The following C1orf159 variants were observed in gnomAD, a reference collection of about 807,000 sequenced individuals.
The protein encoded by C1orf159 is uncharacterized protein C1orf159.
A neutral mutation model predicts 25.6 loss-of-function variants in C1orf159; 19 were observed. That is an observed-to-expected ratio of 0.74 (90% confidence interval 0.52 to 1.09). The LOEUF is 1.09. C1orf159 is among the 50% of genes least tolerant of loss of function. The pLI is 0.00. For synonymous variants in C1orf159, 139 were observed against 124.7 expected, an observed-to-expected ratio of 1.12 and a Z score of -0.77; for missense variants, 274 against 290.6, an observed-to-expected ratio of 0.94 and a Z score of 0.42.
intron 2 of C1orf159, 130 bp from the exon 3 acceptor site, chr1:1,091,695 A>G: frequency 2.5e-6 from 1 of 404,282 alleles, no homozygotes; most frequent in South Asian, 1.8e-5. Context: ...GCAGAGCCAA[A>G]TGGAGATGGG....
At chr1:1,115,235 T>C (rs911542472) in intron 1 of C1orf159, among the ~76,000 whole-genome samples, 2 of 151,722 alleles carry the variant, frequency 1.3e-5, no homozygotes, top group African/African-American at 4.9e-5. Context: ...TGGGCTTAAA[T>C]TACACCCAAA....
intron 1 of C1orf159, among the ~76,000 whole-genome samples, chr1:1,095,036 G>C (rs1003249223): frequency 6.6e-6 from 1 of 152,228 alleles, no homozygotes; most frequent in African/African-American, 2.4e-5. Context: ...GGACTATAGA[G>C]GTGGGGTCTA....
chr1:1,106,419 A>G (rs1646171501), intron 1 of C1orf159, among the ~76,000 whole-genome samples: 1 of 152,258 alleles, frequency 6.6e-6, no homozygotes, highest in African/African-American at 2.4e-5. Flanking sequence ...TGCTGAGAAT[A>G]TAAAATGGTG....
intron 1 of C1orf159, among the ~76,000 whole-genome samples, chr1:1,101,932 C>T (rs1304977912): frequency 6.6e-6 from 1 of 151,626 alleles, no homozygotes; most frequent in Non-Finnish European, 1.5e-5. Flanking sequence ...ATTAATCGGG[C>T]ATGGTGGCAC....
At position 1,099,627 on chromosome 1, in the gene C1orf159, GGA is replaced by G. The variant is rs1397872014; in HGVS notation, c.-135-7526_-135-7525del. On this transcript the variant is annotated intron_variant, in intron 1 of 9. Transcript: ENST00000421241. ...TTTTTGGTCTATTGTTCTAAGAATT[GGA>G]GAGAGAGAGGTTAAAATCTCTGACT... Among the ~76,000 whole-genome samples, 5 of 143,996 alleles carry G rather than the reference GGA, an allele frequency of 3.5e-5. No individual in the cohort carries two copies. The South Asian group carries it at 8.9e-4, about 26-fold the overall frequency. 94.5% of individuals were successfully genotyped at this position (143,996 alleles called of 152,430 possible). A position where few individuals can be genotyped will look rare whatever the true frequency, so the allele number is the denominator to read the frequency against.
intron 3 of C1orf159, 81 bp downstream of exon 3, chr1:1,091,391 T>G: frequency 7.7e-7 from 1 of 1,299,302 alleles, no homozygotes; most frequent in East Asian, 2.5e-5. Context: ...GTGGAAGGGT[T>G]AGACCCTCTA....
rs939267578 is a variant in C1orf159, at chr1:1,093,997, A to G, written c.-135-1894T>C. The stretch of plus-strand genomic sequence containing the variant: ...TGAAGACTAATGATGGCATCTTTCC[A>G]TGTGTTTATTAGCCACTTATATATC... On this transcript the variant is annotated intron_variant, in intron 1 of 9. Coordinates refer to ENST00000421241, the MANE Select transcript of C1orf159 (RefSeq NM_017891.5). Among the ~76,000 whole-genome samples the G allele has an allele frequency of 1.3e-5, 2 of 151,968 alleles. 1 individual carries two copies. Among genetic ancestry groups the G allele is most frequent in the South Asian group, 4.1e-4 (2 of 4,824 alleles).
chr1:1,114,342 T>C (rs193136048), intron 1 of C1orf159, among the ~76,000 whole-genome samples: 40 of 152,260 alleles, frequency 2.6e-4, no homozygotes, highest in Non-Finnish European at 4.4e-4. Context: ...CATGCCTGGA[T>C]AATATTTTTT....
intron 1 of C1orf159, among the ~76,000 whole-genome samples, chr1:1,099,341 T>C (rs74048009): frequency 0.23 from 32,254 of 138,482 alleles, 5,048 homozygotes; most frequent in African/African-American, 0.46. Context: ...GAGGTTACAA[T>C]CTCTGACTAT....
intron 1 of C1orf159, among the ~76,000 whole-genome samples, chr1:1,104,596 C>T (rs1023929306): frequency 2.6e-5 from 4 of 152,198 alleles, no homozygotes; most frequent in African/African-American, 4.8e-5. Flanking sequence ...AGACGGTGGG[C>T]GCTGGTGTTG....
Position 1,087,649 on chromosome 1 carries a change from T to C in C1orf159, c.149-52A>G. 7.8e-7 allele frequency: 1 copy of C among 1,284,458 alleles called. No homozygotes were observed. 79.6% of individuals were successfully genotyped at this position (1,284,458 alleles called of 1,614,324 possible). ...CAGCCAAAGCAAAATCCACACCAGC[T>C]GGGTCTCCTGGGAATGATTCTCTAT... On this transcript the variant is annotated intron_variant, in intron 4 of 9. Transcript: ENST00000421241. The surrounding 1 kb of genome is among the most constrained non-coding windows in gnomAD (Gnocchi z 8.3).
At chr1:1,085,253 TG>T in intron 7 of C1orf159, 1 of 433,246 alleles carries the variant, frequency 2.3e-6, no homozygotes, top group Non-Finnish European at 4.7e-6. Flanking sequence ...GTGCTCACCT[TG>T]GGGTCCGAAC....
At chr1:1,095,099 C>T (rs1645991773) in intron 1 of C1orf159, among the ~76,000 whole-genome samples, 1 of 152,222 alleles carries the variant, frequency 6.6e-6, no homozygotes, top group East Asian at 1.9e-4. Context: ...TCTTCAGGGA[C>T]ACTGCGGCTG....
intron 7 of C1orf159, among the ~76,000 whole-genome samples, chr1:1,084,788 G>A (rs959783093): frequency 6.6e-6 from 1 of 152,078 alleles, no homozygotes; most frequent in Non-Finnish European, 1.5e-5. Context: ...CCACCTTCCC[G>A]CCTCAGCAGA....
At chr1:1,093,322 G>A (rs941263190) in intron 1 of C1orf159, among the ~76,000 whole-genome samples, 1 of 152,224 alleles carries the variant, frequency 6.6e-6, no homozygotes, top group East Asian at 1.9e-4. Context: ...TCAGGAACCA[G>A]AAGTCCAAGA....
intron 1 of C1orf159, among the ~76,000 whole-genome samples, chr1:1,109,347 A>G (rs1439030387): frequency 2.0e-5 from 3 of 152,226 alleles, no homozygotes; most frequent in Non-Finnish European, 4.4e-5. Context: ...GACAGAAAAG[A>G]CAACGGTGGT....
intron 1 of C1orf159, among the ~76,000 whole-genome samples, chr1:1,104,770 C>T (rs191265200): frequency 2.6e-5 from 4 of 151,944 alleles, no homozygotes; most frequent in African/African-American, 4.8e-5. Flanking sequence ...GAGCCGGGAA[C>T]GCACCTGCAC....
At chr1:1,083,916 G>T in intron 9 of C1orf159, 1 of 1,580,378 alleles carries the variant, frequency 6.3e-7, no homozygotes, top group East Asian at 2.3e-5. Flanking sequence ...GGTCCTAACC[G>T]GGCTGACTCT....
At chr1:1,112,755 A>C (rs1189946899) in intron 1 of C1orf159, among the ~76,000 whole-genome samples, 1 of 152,272 alleles carries the variant, frequency 6.6e-6, no homozygotes, top group African/African-American at 2.4e-5. Flanking sequence ...GCAAGACCCC[A>C]GAAGCCTGCC....
Sources: allele counts gnomAD v4.1 joint callset (sites outside exome capture counted in the v4.1 genomes callset), GRCh38; gene constraint gnomAD v4.1.1; non-coding constraint Gnocchi (gnomAD v3.1); transcripts MANE v1.5; gene names NCBI Gene and HGNC (gene_info 2026-07-23, HGNC 2026-07-21).